The following MLIP variants were observed in gnomAD, a reference collection of about 807,000 sequenced individuals.
MLIP encodes muscular LMNA-interacting protein.
A neutral mutation model predicts 84.8 loss-of-function variants in MLIP; 79 were observed. That is an observed-to-expected ratio of 0.93 (90% CI 0.78 to 1.12). The LOEUF is 1.12. MLIP is among the 50% of genes most tolerant of loss of function. The pLI is 0.00. For synonymous variants in MLIP, 504 were observed against 463.0 expected (o/e 1.09, Z -1.14); for missense variants, 1,257 against 1,160.6 (o/e 1.08, Z -1.21).
intron 11 of MLIP, among the ~76,000 whole-genome samples, chr6:54,205,955 CTG>C (rs1205908268): frequency 6.6e-6 from 1 of 152,004 alleles, no homozygotes; most frequent in Non-Finnish European, 1.5e-5. Flanking sequence ...GATTTAAAAA[CTG>C]TGGTGGTGTG....
chr6:54,198,908 GTGTT>G (rs1338345501), intron 10 of MLIP, among the ~76,000 whole-genome samples: 1 of 151,796 alleles, frequency 6.6e-6, no homozygotes, highest in Non-Finnish European at 1.5e-5. Flanking sequence ...ATGTGTGTGT[GTGTT>G]TGTGTGTGTG....
chr6:54,144,084 C>T (rs1032986897), intron 4 of MLIP, among the ~76,000 whole-genome samples: 1 of 152,094 alleles, frequency 6.6e-6, no homozygotes, highest in African/African-American at 2.4e-5. Context: ...GTATCCTCCA[C>T]CTCTAGCTTT....
At position 54,124,730 on chromosome 6, in the gene MLIP, C is replaced by A; in HGVS notation, c.510C>A (p.Val170=). ...GPPGGIGTAA[V]RPKSLAISSS... ...CAGGGGGGATTGGCACCGCAGCTGTCCGGCCCAAGTCTCTAGCTATCTCGT... is the reference window on the plus strand; with the variant it reads ...CAGGGGGGATTGGCACCGCAGCTGTACGGCCCAAGTCTCTAGCTATCTCGT... Residue 170 remains valine (V), a synonymous_variant, in exon 3 of 14, where the codon GTC becomes GTA. Coordinates refer to ENST00000502396, the MANE Select transcript of MLIP (RefSeq NM_001281747.2). 4 of 1,614,174 alleles carry A rather than the reference C, an allele frequency of 2.5e-6. No homozygotes were observed. The highest frequency in any genetic ancestry group is 3.4e-6 in the Non-Finnish European group (4 of 1,180,024).
Position 54,239,778 on chromosome 6 carries a change from T to C in MLIP, c.2922+8861T>C, listed in dbSNP as rs148090013. Among the ~76,000 whole-genome samples, 1,270 of 151,870 alleles carry C rather than the reference T, an allele frequency of 8.4e-3. 19 individuals are homozygous for C. The highest frequency in any genetic ancestry group is 0.028 in the African/African-American group (1,153 of 41,438). The stretch of plus-strand genomic sequence containing the variant: ...CTCCAGTCTGGGTGACAGAGCAAGA[T>C]TCTGTCTAAAAATAAAAAATAAAAA... On this transcript the variant is annotated intron_variant, in intron 12 of 13. Coordinates refer to ENST00000502396, the MANE Select transcript of MLIP (RefSeq NM_001281747.2).
chr6:54,254,179 T>C (rs1229280174), intron 12 of MLIP, among the ~76,000 whole-genome samples: 1 of 149,908 alleles, frequency 6.7e-6, no homozygotes, highest in Middle Eastern at 3.4e-3. Context: ...CAGGCTAGAG[T>C]GCAGTGGCGT....
At chr6:54,090,709 G>A (rs1767815153) in intron 1 of MLIP, among the ~76,000 whole-genome samples, 1 of 151,536 alleles carries the variant, frequency 6.6e-6, no homozygotes, top group Non-Finnish European at 1.5e-5. Context: ...GAGAGAGAGA[G>A]AGGGACACAC....
At chr6:54,164,139 T>C (rs1236228694) in intron 8 of MLIP, among the ~76,000 whole-genome samples, 1 of 151,936 alleles carries the variant, frequency 6.6e-6, no homozygotes, top group Non-Finnish European at 1.5e-5. Flanking sequence ...CATTTTTTTC[T>C]TACATATTTT....
At chr6:54,072,244 CCAAT>C (rs1766532068) in intron 1 of MLIP, among the ~76,000 whole-genome samples, 1 of 152,274 alleles carries the variant, frequency 6.6e-6, no homozygotes, top group African/African-American at 2.4e-5. Flanking sequence ...CTTTCCCTGA[CCAAT>C]CAATGACCCC....
intron 1 of MLIP, among the ~76,000 whole-genome samples, chr6:54,061,487 A>T (rs898783326): frequency 6.6e-6 from 1 of 152,204 alleles, no homozygotes; most frequent in Non-Finnish European, 1.5e-5. Flanking sequence ...CCCTAATTGT[A>T]AAGTGGATAA....
chr6:54,093,826 T>G (rs573480999), intron 1 of MLIP, among the ~76,000 whole-genome samples: 7 of 152,318 alleles, frequency 4.6e-5, no homozygotes, highest in African/African-American at 1.7e-4. Flanking sequence ...TGACTGCTTT[T>G]GTCATCCAGT....
chr6:54,174,367 C>G (rs929070497), intron 9 of MLIP, among the ~76,000 whole-genome samples: 1 of 152,002 alleles, frequency 6.6e-6, no homozygotes, highest in Non-Finnish European at 1.5e-5. Context: ...GTCCCACCAA[C>G]AGTATATGAG....
chr6:54,265,882 T>C (rs908482070), intron 13 of MLIP, 68 bp from the exon 14 acceptor site: 5 of 1,441,294 alleles, frequency 3.5e-6, no homozygotes, highest in South Asian at 1.2e-5. Context: ...TATTAATGTA[T>C]AATTTTCAGG....
chr6:54,054,891 C>CT (rs56830731), intron 1 of MLIP, among the ~76,000 whole-genome samples: 17,558 of 145,750 alleles, frequency 0.12, 1,125 homozygotes, highest in Admixed American at 0.21. Context: ...TCATCACTAT[C>CT]TTTTTTTTTT....
intron 1 of MLIP, among the ~76,000 whole-genome samples, chr6:54,091,704 C>A (rs941824512): frequency 6.6e-6 from 1 of 152,130 alleles, no homozygotes; most frequent in Non-Finnish European, 1.5e-5. Context: ...GAGAACAGCT[C>A]CCTGAGCTCA....
At chr6:54,261,545 C>T (rs910816833) in intron 13 of MLIP, 5 of 978,088 alleles carry the variant, frequency 5.1e-6, no homozygotes, top group Non-Finnish European at 6.1e-6. Flanking sequence ...TGGTTTACAA[C>T]ATAACAATTC....
intron 12 of MLIP, among the ~76,000 whole-genome samples, chr6:54,244,981 C>T (rs1781981712): frequency 6.6e-6 from 1 of 152,102 alleles, no homozygotes; most frequent in African/African-American, 2.4e-5. Flanking sequence ...CTTTGAGAAA[C>T]ATGATTTTTA....
intron 11 of MLIP, among the ~76,000 whole-genome samples, chr6:54,206,961 T>C (rs1241646009): frequency 6.6e-6 from 1 of 152,224 alleles, no homozygotes; most frequent in Non-Finnish European, 1.5e-5. Context: ...TTATAATTGC[T>C]AACATTTTAT....
chr6:54,035,628 T>G (rs1764388126), intron 1 of MLIP, among the ~76,000 whole-genome samples: 1 of 152,036 alleles, frequency 6.6e-6, no homozygotes. Flanking sequence ...TCACCAGCAT[T>G]TGGTATTATT....
intron 1 of MLIP, among the ~76,000 whole-genome samples, chr6:54,114,168 A>G (rs1769712215): frequency 6.6e-6 from 1 of 152,130 alleles, no homozygotes; most frequent in Non-Finnish European, 1.5e-5. Context: ...TCAATGTTAG[A>G]GTCTGTAGGG....
Sources: allele counts gnomAD v4.1 joint callset (sites outside exome capture counted in the v4.1 genomes callset), GRCh38; gene constraint gnomAD v4.1.1; transcripts MANE v1.5; gene names NCBI Gene and HGNC (gene_info 2026-07-23, HGNC 2026-07-21).